ZNF438: variants seen among roughly 807,000 people sequenced by gnomAD.
The protein encoded by ZNF438 is zinc finger protein 438.
ZNF438 carries 25 observed loss-of-function variants against 38.0 expected under a neutral mutation model. The ratio of observed to expected loss-of-function variants is 0.66; its 90% confidence interval spans 0.48 to 0.92. ZNF438 has a LOEUF of 0.92. Among genes scored for constraint, ZNF438 ranks in the 40% least tolerant of loss-of-function variants. The pLI, the probability that ZNF438 is intolerant of heterozygous loss-of-function variation, is 0.00. For missense variants in ZNF438, 1,007 were observed against 999.6 expected (o/e 1.01, Z -0.10); for synonymous variants, 372 against 364.1 (o/e 1.02, Z -0.25).
intron 1 of ZNF438, among the ~76,000 whole-genome samples, chr10:30,951,317 C>T (rs1375220123): frequency 2.7e-5 from 4 of 148,762 alleles, no homozygotes; most frequent in Non-Finnish European, 6.0e-5. Context: ...AAACTGGAAG[C>T]ATTCCCTTTG....
chr10:30,858,218 G>C (rs1268669788), intron 4 of ZNF438, among the ~76,000 whole-genome samples: 1 of 152,106 alleles, frequency 6.6e-6, no homozygotes, highest in Admixed American at 6.5e-5. Context: ...GTGTTGTTCT[G>C]GTTTTAATTT....
intron 4 of ZNF438, among the ~76,000 whole-genome samples, chr10:30,860,913 A>C (rs1480260084): frequency 2.6e-5 from 4 of 152,092 alleles, no homozygotes; most frequent in African/African-American, 9.7e-5. Context: ...GTGATGGGGG[A>C]TGGGGCCCAG....
At chr10:30,892,230 A>G (rs1444135741) in intron 3 of ZNF438, among the ~76,000 whole-genome samples, 1 of 67,428 alleles carries the variant, frequency 1.5e-5, no homozygotes, top group Non-Finnish European at 3.0e-5. Flanking sequence ...ACGAAACCCT[A>G]TATATACTGT....
chr10:30,968,465 C>T lies in ZNF438; in HGVS notation c.-191-26814G>A, dbSNP rs561501425. Among the ~76,000 whole-genome samples the T allele has an allele frequency of 3.8e-3, 346 of 90,064 alleles. 1 individual carries two copies. Among genetic ancestry groups the T allele is most frequent in the African/African-American group, 0.012 (272 of 22,170 alleles). The allele number at this position is 90,064 out of a possible 152,430, so 59.1% of individuals were successfully genotyped here. A position where few individuals can be genotyped will look rare whatever the true frequency, so the allele number is the denominator to read the frequency against. On this transcript the variant is annotated intron_variant, in intron 1 of 5. Transcript: ENST00000413025. Reference sequence around the variant, plus strand: ...TTTTTTTTTTTTTTTTTTTTTGAGACGGAGTTTCGCTCTTGTTGCCCAGGC... The same window carrying T: ...TTTTTTTTTTTTTTTTTTTTTGAGATGGAGTTTCGCTCTTGTTGCCCAGGC...
chr10:30,875,662 C>G lies in ZNF438; in HGVS notation c.37+1336G>C, dbSNP rs1588943533. 3.3e-5 allele frequency among the ~76,000 whole-genome samples: 5 copies of G among 152,354 alleles called. No individual in the cohort carries two copies. The South Asian group carries it at 1.0e-3, about 32-fold the overall frequency. On this transcript the variant is annotated intron_variant, in intron 4 of 5. Coordinates refer to ENST00000413025, the Ensembl canonical transcript of ZNF438. The stretch of plus-strand genomic sequence containing the variant: ...TTTCTAGTTGGGGTTTGCCCATCTC[C>G]TTTCTTGCCCTAGTGTTCCCGGCTG...
intron 3 of ZNF438, among the ~76,000 whole-genome samples, chr10:30,888,849 C>A (rs1203154047): frequency 5.9e-5 from 9 of 152,166 alleles, no homozygotes; most frequent in Non-Finnish European, 1.0e-4. Flanking sequence ...CTGCATATGT[C>A]TTTGCAGTAA....
chr10:30,898,394 C>A (rs1424590758), intron 3 of ZNF438, among the ~76,000 whole-genome samples: 1 of 152,082 alleles, frequency 6.6e-6, no homozygotes, highest in African/African-American at 2.4e-5. Context: ...ATATTCTGAT[C>A]TCCTTTGCCC....
intron 4 of ZNF438, among the ~76,000 whole-genome samples, chr10:30,866,195 A>G (rs1416595491): frequency 6.6e-6 from 1 of 152,188 alleles, no homozygotes; most frequent in South Asian, 2.1e-4. Flanking sequence ...GTCAGAGTAC[A>G]TGTCTGCTGC....
intron 3 of ZNF438, among the ~76,000 whole-genome samples, chr10:30,902,108 T>A (rs2042074363): frequency 6.6e-6 from 1 of 152,192 alleles, no homozygotes; most frequent in South Asian, 2.1e-4. Flanking sequence ...GAACAAAGCT[T>A]CCACAGTGTG....
At chr10:30,970,403 G>A (rs1044855954) in intron 1 of ZNF438, among the ~76,000 whole-genome samples, 5 of 152,196 alleles carry the variant, frequency 3.3e-5, no homozygotes, top group Admixed American at 2.0e-4. Context: ...AATGTCTAAC[G>A]TACTTTATGT....
At chr10:31,013,047 C>T (rs1267436470) in intron 1 of ZNF438, among the ~76,000 whole-genome samples, 11 of 152,290 alleles carry the variant, frequency 7.2e-5, no homozygotes, top group Non-Finnish European at 1.3e-4. Context: ...GGGCCGGGCG[C>T]GGTGGCTCAC....
chr10:30,852,173 A>G (rs1051222792), intron 4 of ZNF438, among the ~76,000 whole-genome samples: 1 of 151,992 alleles, frequency 6.6e-6, no homozygotes, highest in South Asian at 2.1e-4. Flanking sequence ...TCTCAAAAAA[A>G]AAAGAAAAGA....
chr10:30,978,852 T>C (rs540987706), intron 1 of ZNF438, among the ~76,000 whole-genome samples: 1 of 152,222 alleles, frequency 6.6e-6, no homozygotes, highest in Non-Finnish European at 1.5e-5. Context: ...CCAGCTGCAT[T>C]AGCCCCTAGC....
intron 3 of ZNF438, among the ~76,000 whole-genome samples, chr10:30,893,021 T>A (rs1364895294): frequency 6.6e-6 from 1 of 152,188 alleles, no homozygotes; most frequent in Non-Finnish European, 1.5e-5. Context: ...ACGTGGGAAG[T>A]CTATCTGCAG....
chr10:30,907,119 C>T (rs2042658005), intron 3 of ZNF438, among the ~76,000 whole-genome samples: 1 of 152,196 alleles, frequency 6.6e-6, no homozygotes, highest in South Asian at 2.1e-4. Flanking sequence ...GGATCACAGG[C>T]ATTCGCCACC....
At chr10:30,962,823 A>G (rs1418525876) in intron 1 of ZNF438, among the ~76,000 whole-genome samples, 2 of 117,144 alleles carry the variant, frequency 1.7e-5, no homozygotes, top group Non-Finnish European at 4.5e-5. Flanking sequence ...TAAAATATAA[A>G]ATAAAAATTA....
chr10:31,003,830 T>C (rs1206759459), intron 1 of ZNF438, among the ~76,000 whole-genome samples: 1 of 152,206 alleles, frequency 6.6e-6, no homozygotes, highest in African/African-American at 2.4e-5. Context: ...CTCCCTAGTT[T>C]ACTCCAAATA....
At chr10:30,910,075 A>T (rs532760430) in intron 2 of ZNF438, among the ~76,000 whole-genome samples, 4 of 152,268 alleles carry the variant, frequency 2.6e-5, no homozygotes, top group South Asian at 4.1e-4. Context: ...CTTGAAAAGC[A>T]AGCTCCTGAA....
intron 3 of ZNF438, among the ~76,000 whole-genome samples, chr10:30,892,133 C>T (rs1471823864): frequency 1.4e-5 from 2 of 144,544 alleles, no homozygotes; most frequent in African/African-American, 2.5e-5. Flanking sequence ...GGATTTAATT[C>T]ACTGCTTTTG....
Sources: gnomAD v4.1 joint callset for allele counts (sites outside exome capture counted in the v4.1 genomes callset) on GRCh38, gnomAD v4.1.1 for gene constraint, MANE v1.5 for transcripts, NCBI Gene and HGNC (gene_info 2026-07-23, HGNC 2026-07-21) for gene names.